Variants in ATRNL1 observed in about 807,000 individuals in gnomAD.
ATRNL1 encodes the protein attractin-like protein 1.
ATRNL1 carries 95 observed loss-of-function variants against 182.7 expected under a neutral mutation model. The observed-to-expected ratio is 0.52, with a 90% confidence interval of 0.44 to 0.62. The LOEUF (loss-of-function observed/expected upper bound fraction) is 0.62. Among genes scored for constraint, ATRNL1 ranks in the 20% least tolerant of loss-of-function variants. The pLI is 0.00. For missense variants in ATRNL1, 1,471 were observed against 1,679.5 expected (o/e 0.88, Z 2.17); for synonymous variants, 576 against 568.3 (o/e 1.01, Z -0.19).
chr10:115,178,901 T>C (rs1401682813), intron 8 of ATRNL1, among the ~76,000 whole-genome samples: 1 of 150,658 alleles, frequency 6.6e-6, no homozygotes, highest in Non-Finnish European at 1.5e-5. Flanking sequence ...ACATATATGC[T>C]GTTTTTTATA....
chr10:115,133,885 T>C (rs1265495033), intron 5 of ATRNL1, among the ~76,000 whole-genome samples: 1 of 152,056 alleles, frequency 6.6e-6, no homozygotes, highest in Non-Finnish European at 1.5e-5. Flanking sequence ...AACTCAGGAT[T>C]AAGAAACTCA....
chr10:115,515,143 T>A (rs1850572872), intron 24 of ATRNL1, among the ~76,000 whole-genome samples: 1 of 151,818 alleles, frequency 6.6e-6, no homozygotes, highest in Non-Finnish European at 1.5e-5. Context: ...CCTGGCCTAG[T>A]TCCAGTTAAT....
At chr10:115,807,929 G>A (rs1001538374) in intron 27 of ATRNL1, among the ~76,000 whole-genome samples, 4 of 152,040 alleles carry the variant, frequency 2.6e-5, no homozygotes, top group Non-Finnish European at 4.4e-5. Flanking sequence ...TTAATTTCCC[G>A]AGTTAATTAA....
At chr10:115,106,358 A>C (rs1375866001) in intron 1 of ATRNL1, among the ~76,000 whole-genome samples, 1 of 152,124 alleles carries the variant, frequency 6.6e-6, no homozygotes, top group Non-Finnish European at 1.5e-5. Context: ...CAGGCTCATA[A>C]ATGGAAAAAA....
chr10:115,537,980 C>G (rs1191579595), intron 25 of ATRNL1, among the ~76,000 whole-genome samples: 1 of 152,096 alleles, frequency 6.6e-6, no homozygotes, highest in Non-Finnish European at 1.5e-5. Context: ...GGCTTCTTTC[C>G]CTTAGTCTAC....
chr10:115,897,241 TATC>T (rs1224169860), intron 28 of ATRNL1, among the ~76,000 whole-genome samples: 14 of 152,196 alleles, frequency 9.2e-5, no homozygotes, highest in Admixed American at 8.5e-4. Flanking sequence ...TATACTGAAT[TATC>T]ATTTATGATT....
chr10:115,707,470 A>G (rs1946936347), intron 26 of ATRNL1, among the ~76,000 whole-genome samples: 2 of 151,662 alleles, frequency 1.3e-5, no homozygotes, highest in Non-Finnish European at 3.0e-5. Flanking sequence ...CCTCATTCAC[A>G]ATATCATATT....
intron 8 of ATRNL1, among the ~76,000 whole-genome samples, chr10:115,195,426 T>C (rs1554890818): frequency 6.6e-6 from 1 of 152,134 alleles, no homozygotes; most frequent in African/African-American, 2.4e-5. Context: ...GAAAATGTCA[T>C]CTCGCTCTCC....
intron 28 of ATRNL1, among the ~76,000 whole-genome samples, chr10:115,882,486 G>C (rs1367950825): frequency 6.6e-6 from 1 of 152,104 alleles, no homozygotes; most frequent in Non-Finnish European, 1.5e-5. Context: ...ATTCACATGT[G>C]CTATTTCGTA....
At chr10:115,372,009 A>G (rs1173751473) in intron 19 of ATRNL1, among the ~76,000 whole-genome samples, 2 of 152,160 alleles carry the variant, frequency 1.3e-5, no homozygotes, top group African/African-American at 4.8e-5. Context: ...GTTTCTCTGC[A>G]CAAGCTCTCT....
chr10:115,491,820 A>T (rs1849313183), intron 24 of ATRNL1, among the ~76,000 whole-genome samples: 1 of 152,144 alleles, frequency 6.6e-6, no homozygotes, highest in African/African-American at 2.4e-5. Context: ...CAGCTAGCTC[A>T]GTGTCTGCCC....
rs550997839 is a variant in ATRNL1 at position 115,716,665 on chromosome 10, T to C, written c.3796-10583T>C. Among the ~76,000 whole-genome samples, 5 of 152,204 alleles carry C rather than the reference T, an allele frequency of 3.3e-5. No homozygotes were observed. In the South Asian group the frequency reaches 1.0e-3, roughly 32 times the overall value. ...AACTACTGAGAGATTGATCTGAGCT[T>C]TGTTGCAGCAAGAGCCTCAAGTCAT... On this transcript the variant is annotated intron_variant, in intron 26 of 28. Transcript: ENST00000355044.
At chr10:115,537,542 A>G (rs1554990877) in intron 25 of ATRNL1, among the ~76,000 whole-genome samples, 1 of 152,198 alleles carries the variant, frequency 6.6e-6, no homozygotes, top group African/African-American at 2.4e-5. Context: ...TGGTAATTTA[A>G]ACATAAATTA....
intron 28 of ATRNL1, among the ~76,000 whole-genome samples, chr10:115,889,729 C>A (rs782747849): frequency 2.5e-4 from 38 of 152,114 alleles, no homozygotes; most frequent in Non-Finnish European, 4.9e-4. Flanking sequence ...AACCACGACA[C>A]CACATTGAAG....
At chr10:115,692,238 A>G (rs1426125304) in intron 26 of ATRNL1, among the ~76,000 whole-genome samples, 1 of 152,180 alleles carries the variant, frequency 6.6e-6, no homozygotes, top group African/African-American at 2.4e-5. Flanking sequence ...ATAATGTGTG[A>G]AGCTAATAGG....
intron 26 of ATRNL1, among the ~76,000 whole-genome samples, chr10:115,653,880 T>C (rs1860161566): frequency 6.6e-6 from 1 of 152,106 alleles, no homozygotes; most frequent in Non-Finnish European, 1.5e-5. Flanking sequence ...CACTCATGAG[T>C]TTCACCTACA....
chr10:115,294,145 T>C (rs1853060974), intron 15 of ATRNL1, among the ~76,000 whole-genome samples: 1 of 152,200 alleles, frequency 6.6e-6, no homozygotes, highest in Admixed American at 6.5e-5. Context: ...CCTCACTCCA[T>C]ATTCTATTTT....
chr10:115,403,501 A>G (rs1225009969), intron 20 of ATRNL1, among the ~76,000 whole-genome samples: 2 of 152,098 alleles, frequency 1.3e-5, no homozygotes, highest in East Asian at 3.9e-4. Flanking sequence ...TGTCCCCCAG[A>G]CTGGAGTGCA....
chr10:115,642,730 C>T (rs1202201936), intron 26 of ATRNL1, among the ~76,000 whole-genome samples: 4 of 152,182 alleles, frequency 2.6e-5, no homozygotes, highest in Non-Finnish European at 5.9e-5. Context: ...CAGGCCTGAA[C>T]CACTGCGCCT....
Sources: gnomAD v4.1 joint callset for allele counts (sites outside exome capture counted in the v4.1 genomes callset) on GRCh38, gnomAD v4.1.1 for gene constraint, MANE v1.5 for transcripts, NCBI Gene and HGNC (gene_info 2026-07-23, HGNC 2026-07-21) for gene names.